SLC67A1: variants seen among roughly 807,000 people sequenced by gnomAD.
The protein encoded by SLC67A1 is solute carrier family 67 member A1.
chr11:2,914,648 A>G, the SLC67A1 span: 955,222 of 958,646 alleles, frequency 1, 475,988 homozygotes, highest in South Asian at 1. Context: ...TGGTTTACCC[A>G]CCACCGCTCG....
At chr11:2,900,692 CAAAAAAAAAAA>C in the SLC67A1 span, among the ~76,000 whole-genome samples, 952 of 59,696 alleles carry the variant, frequency 0.016, 17 homozygotes, top group Admixed American at 0.029. Flanking sequence ...GACTCCGTCT[CAAAAAAAAAAA>C]AAAAAAAAAA....
the SLC67A1 span, among the ~76,000 whole-genome samples, chr11:2,923,821 G>A: frequency 6.6e-6 from 1 of 152,226 alleles, no homozygotes; most frequent in South Asian, 2.1e-4. This position sits in a 1 kb window ranked among gnomAD's most constrained non-coding sequence, Gnocchi z 6.5. Flanking sequence ...TGGCCTGGTA[G>A]GAGCCAGCAT....
chr11:2,917,035 G>A, the SLC67A1 span: 2 of 425,824 alleles, frequency 4.7e-6, no homozygotes, highest in Non-Finnish European at 4.4e-6. Context: ...TGCTAGGAGG[G>A]GAGGCCCAGA....
chr11:2,903,410 G>T, the SLC67A1 span: 2 of 1,613,140 alleles, frequency 1.2e-6, no homozygotes, highest in Middle Eastern at 1.7e-4. Flanking sequence ...GCTCTAGGCC[G>T]GTCCTCGGTC....
chr11:2,902,818 G>A, the SLC67A1 span: 18 of 880,668 alleles, frequency 2.0e-5, no homozygotes, highest in Non-Finnish European at 2.5e-5. Flanking sequence ...TGGCCACAGG[G>A]GAAGGTAGAC....
the SLC67A1 span, among the ~76,000 whole-genome samples, chr11:2,905,371 C>T: frequency 5.3e-5 from 8 of 152,224 alleles, no homozygotes; most frequent in Admixed American, 2.6e-4. Context: ...CCTGCCAAAG[C>T]GGACCACTGG....
At chr11:2,913,999 G>A in the SLC67A1 span, among the ~76,000 whole-genome samples, 5 of 142,850 alleles carry the variant, frequency 3.5e-5, no homozygotes, top group South Asian at 2.4e-4. Context: ...AGGTCCAGAG[G>A]GGCCCCAGAA....
At chr11:2,905,581 G>A in the SLC67A1 span, among the ~76,000 whole-genome samples, 2 of 152,212 alleles carry the variant, frequency 1.3e-5, no homozygotes, top group Admixed American at 1.3e-4. Flanking sequence ...TGTCATTGAT[G>A]GACATTTGGG....
chr11:2,908,714 C>T, the SLC67A1 span, among the ~76,000 whole-genome samples: 1 of 152,200 alleles, frequency 6.6e-6, no homozygotes, highest in Admixed American at 6.5e-5. Context: ...CAAGCCACAG[C>T]AGACAGGGGA....
At chr11:2,915,072 C>T in the SLC67A1 span, 18 of 985,176 alleles carry the variant, frequency 1.8e-5, no homozygotes, top group Non-Finnish European at 2.2e-5. Context: ...GATGGATTGG[C>T]GGGGGCAGCA....
At chr11:2,911,934 C>T in the SLC67A1 span, among the ~76,000 whole-genome samples, 14 of 152,374 alleles carry the variant, frequency 9.2e-5, no homozygotes, top group South Asian at 1.9e-3. Context: ...ACATTCCATT[C>T]GCTTCCCTGC....
At chr11:2,916,591 C>T in the SLC67A1 span, 2 of 1,570,882 alleles carry the variant, frequency 1.3e-6, no homozygotes, top group Non-Finnish European at 1.7e-6. Context: ...CTGGGACCCG[C>T]ACCCTGTGCA....
chr11:2,903,057 C>G, the SLC67A1 span: 3 of 488,396 alleles, frequency 6.1e-6, no homozygotes, highest in Non-Finnish European at 9.9e-6. Flanking sequence ...TCGGGGGGAG[C>G]AGCTTGTCCC....
the SLC67A1 span, chr11:2,919,690 C>T: frequency 2.0e-6 from 1 of 488,502 alleles, no homozygotes; most frequent in African/African-American, 1.9e-5. Context: ...AGCAAGTCTC[C>T]CAAACTCTCC....
chr11:2,903,860 G>A, the SLC67A1 span: 2 of 223,192 alleles, frequency 9.0e-6, no homozygotes, highest in Non-Finnish European at 1.8e-5. Flanking sequence ...GCTCTGGGCG[G>A]ATCACCCCTC....
At chr11:2,921,345 C>T in the SLC67A1 span, 2 of 152,224 alleles carry the variant, frequency 1.3e-5, no homozygotes, top group Non-Finnish European at 2.9e-5. Flanking sequence ...TCTGTTCTGC[C>T]TGGCAGGAAT....
At chr11:2,904,495 A>T in the SLC67A1 span, among the ~76,000 whole-genome samples, 4 of 152,226 alleles carry the variant, frequency 2.6e-5, no homozygotes, top group South Asian at 2.1e-4. Context: ...TGCTTTTCTC[A>T]TCATAAAATG....
the SLC67A1 span, among the ~76,000 whole-genome samples, chr11:2,913,085 CAG>C: frequency 2.0e-5 from 3 of 152,006 alleles, no homozygotes; most frequent in African/African-American, 7.3e-5. Flanking sequence ...GTGTTTGTAA[CAG>C]GGCACCTGCT....
the SLC67A1 span, chr11:2,916,571 C>G: frequency 3.5e-5 from 49 of 1,387,234 alleles, no homozygotes; most frequent in Non-Finnish European, 4.0e-6. Flanking sequence ...GTGGCTGGGG[C>G]GCCTGGGCCC....
Sources: gnomAD v4.1 joint callset for allele counts (sites outside exome capture counted in the v4.1 genomes callset) on GRCh38, gnomAD v4.1.1 for gene constraint, Gnocchi (gnomAD v3.1) non-coding constraint, MANE v1.5 for transcripts, NCBI Gene and HGNC (gene_info 2026-07-23, HGNC 2026-07-21) for gene names.